Variants in GAD2 observed in about 807,000 individuals in gnomAD.
GAD2 encodes glutamate decarboxylase 2, also known as 65 kDa glutamic acid decarboxylase.
Under a neutral mutation model 80.1 loss-of-function variants are expected in GAD2, and 22 were observed. The ratio of observed to expected loss-of-function variants is 0.27; its 90% CI spans 0.20 to 0.39. The LOEUF (loss-of-function observed/expected upper bound fraction) is 0.39. GAD2 is among the 10% of genes least tolerant of loss of function. GAD2 has a pLI of 1.00. For synonymous variants in GAD2, 274 were observed against 256.9 expected, an observed-to-expected ratio of 1.07 and a Z score of -0.64; for missense variants, 624 against 738.4, an observed-to-expected ratio of 0.85 and a Z score of 1.80.
At chr10:26,283,248 T>G (rs1360026352) in intron 12 of GAD2, among the ~76,000 whole-genome samples, 2 of 152,196 alleles carry the variant, frequency 1.3e-5, no homozygotes, top group Non-Finnish European at 2.9e-5. Context: ...TAGAAGCTTA[T>G]TAATGTTTCA....
intron 9 of GAD2, 44 bp from the exon 10 acceptor site, chr10:26,270,596 C>T (rs1845123528): frequency 1.5e-6 from 2 of 1,369,522 alleles, no homozygotes. Flanking sequence ...TAAAAGAACC[C>T]TTGACTCTGT....
rs1360083988 is a variant in GAD2 at position 26,245,960 on chromosome 10, A to T, written c.880A>T (p.Ile294Phe). 1 of 1,614,000 alleles carries T rather than the reference A, an allele frequency of 6.2e-7. No individual in the cohort carries two copies. The highest frequency in any genetic ancestry group is 8.5e-7 in the Non-Finnish European group (1 of 1,180,010). The change falls in exon 8 of 16, where the codon ATT becomes TTT. Residue 294 changes from isoleucine (I) to phenylalanine (F), a missense_variant. Transcript: ENST00000376261. ...CAAGAAGGGAGCTGCAGCCTTAGGGATTGGAACAGACAGCGTGATTCTGAT... is the reference window on the plus strand; with the variant it reads ...CAAGAAGGGAGCTGCAGCCTTAGGGTTTGGAACAGACAGCGTGATTCTGAT... ...SLKKGAAALG[I>F]GTDSVILIKC...
At chr10:26,229,354 C>T (rs1158990467) in intron 6 of GAD2, among the ~76,000 whole-genome samples, 3 of 152,064 alleles carry the variant, frequency 2.0e-5, no homozygotes, top group African/African-American at 4.8e-5. Context: ...TGACCATGCT[C>T]ACAAGCTGGG....
chr10:26,248,013 A>G (rs1298253375), intron 8 of GAD2, among the ~76,000 whole-genome samples: 1 of 152,108 alleles, frequency 6.6e-6, no homozygotes, highest in Non-Finnish European at 1.5e-5. Context: ...GAGGCCAAAC[A>G]TCCACACACA....
rs1288384160 is a variant in GAD2, at chr10:26,303,356, A to C, written c.*2395A>C. 2.0e-5 allele frequency: 3 copies of C among 152,152 alleles called. No individual in the cohort carries two copies. Among genetic ancestry groups the C allele is most frequent in the Admixed American group, 6.6e-5 (1 of 15,264 alleles). 9.4% of individuals were successfully genotyped at this position (152,152 alleles called of 1,614,324 possible). ...CTTACCAACTGTAGCCCAAAGAAGG[A>C]AGCAAATAAAAGCCTAGTAGGTCCC... On this transcript the variant is annotated 3_prime_UTR_variant, in exon 16 of 16. Coordinates refer to ENST00000376261, the MANE Select transcript of GAD2 (RefSeq NM_001134366.2).
chr10:26,284,587 T>TTTTTTTA (rs1845308864), intron 12 of GAD2, among the ~76,000 whole-genome samples: 1 of 146,086 alleles, frequency 6.8e-6, no homozygotes, highest in African/African-American at 2.6e-5. Flanking sequence ...TTTTTTTTTT[T>TTTTTTTA]GAGACGGGGT....
At chr10:26,272,949 C>T (rs7903208) in intron 10 of GAD2, among the ~76,000 whole-genome samples, 19,977 of 152,068 alleles carry the variant, frequency 0.13, 1,581 homozygotes, top group African/African-American at 0.23. Flanking sequence ...TTTTATAATC[C>T]ATTTAAAATT....
rs575463810 is a variant in GAD2 at position 26,270,634 on chromosome 10, G to A, written c.976-6G>A. On this transcript the variant is annotated splice_polypyrimidine_tract_variant and splice_region_variant and intron_variant, in intron 9 of 15. Coordinates refer to ENST00000376261, the MANE Select transcript of GAD2 (RefSeq NM_001134366.2). ...TCCATGATTTGGGGCTTTCTCGTTC[G>A]CACAGGGGTTTGTTCCTTTCCTCGT... 18 of 1,601,116 alleles carry A rather than the reference G, an allele frequency of 1.1e-5. No homozygotes were observed. The highest frequency in any genetic ancestry group is 3.3e-4 in the Middle Eastern group (2 of 6,040).
intron 8 of GAD2, among the ~76,000 whole-genome samples, chr10:26,263,656 T>C (rs1337600621): frequency 6.6e-6 from 1 of 152,254 alleles, no homozygotes; most frequent in Non-Finnish European, 1.5e-5. Context: ...GCCATCTTGA[T>C]AGGATAGTTT....
At chr10:26,231,906 CCT>C (rs1844607270) in intron 7 of GAD2, among the ~76,000 whole-genome samples, 1 of 152,152 alleles carries the variant, frequency 6.6e-6, no homozygotes, top group South Asian at 2.1e-4. Context: ...GGCTCTCCTG[CCT>C]CTCTCTTTTG....
chr10:26,237,998 TCACACAGACACA>T lies in GAD2; in HGVS notation c.841-7916_841-7905del, dbSNP rs1259151572. Among the ~76,000 whole-genome samples, 848 of 117,682 alleles carry T rather than the reference TCACACAGACACA, an allele frequency of 7.2e-3. 12 individuals carry two copies. Among genetic ancestry groups the T allele is most frequent in the African/African-American group, 0.03 (820 of 26,996 alleles). The allele number at this position is 117,682 out of a possible 152,430, so 77.2% of individuals were successfully genotyped here. On this transcript the variant is annotated intron_variant, in intron 7 of 15. Coordinates refer to ENST00000376261, the MANE Select transcript of GAD2 (RefSeq NM_001134366.2). ...CTTCAGGTGACAGGGCGAGACTCCATCACACAGACACACACACACACACACACACACACACAC... is the reference window on the plus strand; with the variant it reads ...CTTCAGGTGACAGGGCGAGACTCCATCACACACACACACACACACACACAC...
At chr10:26,268,232 G>A (rs1845094136) in intron 8 of GAD2, among the ~76,000 whole-genome samples, 1 of 152,194 alleles carries the variant, frequency 6.6e-6, no homozygotes, top group African/African-American at 2.4e-5. Context: ...ACTTTGGGAG[G>A]CCGAGGCAGG....
chr10:26,275,913 G>A (rs1001434618), intron 11 of GAD2, among the ~76,000 whole-genome samples: 3 of 152,306 alleles, frequency 2.0e-5, no homozygotes, highest in African/African-American at 7.2e-5. Flanking sequence ...CCAGGACTTT[G>A]GGAGGCAGAG....
chr10:26,262,812 GT>G (rs981231291), intron 8 of GAD2, among the ~76,000 whole-genome samples: 3 of 148,778 alleles, frequency 2.0e-5, no homozygotes, highest in African/African-American at 7.4e-5. Flanking sequence ...AGCCAAGCAT[GT>G]TTTCTTACAT....
chr10:26,216,740 C>G, upstream of GAD2: 1 of 1,397,756 alleles, frequency 7.2e-7, no homozygotes, highest in Non-Finnish European at 9.8e-7. This position sits in a 1 kb window ranked among gnomAD's most constrained non-coding sequence, Gnocchi z 4.7. Context: ...CACGCGCGCG[C>G]AGGGCCAAGC....
intron 7 of GAD2, among the ~76,000 whole-genome samples, chr10:26,245,022 G>A (rs1264997042): frequency 6.6e-6 from 1 of 151,772 alleles, no homozygotes; most frequent in East Asian, 1.9e-4. Context: ...GCATGGTGGT[G>A]GGCACCTGTA....
chr10:26,257,470 C>CTGAGGTAATT (rs1472124486), intron 8 of GAD2, among the ~76,000 whole-genome samples: 1 of 152,196 alleles, frequency 6.6e-6, no homozygotes, highest in East Asian at 1.9e-4. Flanking sequence ...TCAGGGTACC[C>CTGAGGTAATT]CTGCCATTAT....
intron 12 of GAD2, among the ~76,000 whole-genome samples, chr10:26,282,106 C>G (rs1845278907): frequency 6.9e-6 from 1 of 145,356 alleles, no homozygotes; most frequent in Non-Finnish European, 1.5e-5. Flanking sequence ...CCACACCTGG[C>G]TAATTTTTGT....
intron 8 of GAD2, among the ~76,000 whole-genome samples, chr10:26,247,217 A>G (rs144066511): frequency 1.9e-3 from 291 of 152,342 alleles, no homozygotes; most frequent in African/African-American, 6.4e-3. Context: ...TAGACCATAT[A>G]GAGTAACTTC....
Sources: gnomAD v4.1 joint callset for allele counts (sites outside exome capture counted in the v4.1 genomes callset) on GRCh38, gnomAD v4.1.1 for gene constraint, Gnocchi (gnomAD v3.1) non-coding constraint, MANE v1.5 for transcripts, NCBI Gene and HGNC (gene_info 2026-07-23, HGNC 2026-07-21) for gene names.